LRRC37A2: variants seen among roughly 807,000 people sequenced by gnomAD.
LRRC37A2 encodes the protein leucine-rich repeat-containing protein 37A2.
A neutral mutation model predicts 68.8 loss-of-function variants in LRRC37A2; 9 were observed. The observed-to-expected ratio is 0.13, with a 90% CI of 0.08 to 0.23. The LOEUF (loss-of-function observed/expected upper bound fraction) is 0.23, where lower values mean the gene tolerates loss of function less well. Among genes scored for constraint, LRRC37A2 ranks in the 10% least tolerant of loss-of-function variants. The pLI is 1.00. For missense variants in LRRC37A2, 168 were observed against 950.4 expected, an observed-to-expected ratio of 0.18 and a Z score of 10.82; for synonymous variants, 63 against 367.6, an observed-to-expected ratio of 0.17 and a Z score of 9.48.
the LRRC37A2 span, among the ~76,000 whole-genome samples, chr17:46,911,968 G>A: frequency 2.0e-5 from 3 of 152,170 alleles, no homozygotes; most frequent in Non-Finnish European, 2.9e-5. Context: ...ATTAGTGAGA[G>A]CCCAGAGTGA....
chr17:46,806,484 C>T, the LRRC37A2 span, among the ~76,000 whole-genome samples: 1 of 152,204 alleles, frequency 6.6e-6, no homozygotes, highest in African/African-American at 2.4e-5. Context: ...GCCGGGGTTA[C>T]AGGCGTGAGC....
At chr17:46,863,462 GA>G in the LRRC37A2 span, among the ~76,000 whole-genome samples, 1 of 152,228 alleles carries the variant, frequency 6.6e-6, no homozygotes, top group Admixed American at 6.5e-5. Context: ...TGAAGAGGAA[GA>G]AAGGAGTGTC....
the LRRC37A2 span, among the ~76,000 whole-genome samples, chr17:46,953,947 A>C: frequency 6.6e-6 from 1 of 152,148 alleles, no homozygotes; most frequent in South Asian, 2.1e-4. Context: ...CCTTTGTCAG[A>C]TGAGTAGATT....
At chr17:46,863,115 A>T in the LRRC37A2 span, among the ~76,000 whole-genome samples, 1 of 518 alleles carries the variant, frequency 1.9e-3, no homozygotes. Context: ...TGGGCTAGGG[A>T]GGGCGTGGCA....
the LRRC37A2 span, among the ~76,000 whole-genome samples, chr17:46,969,566 A>G: frequency 0.45 from 68,022 of 152,108 alleles, 15,437 homozygotes; most frequent in Middle Eastern, 0.52. Context: ...TCCCTGCTCC[A>G]GGCTGGGACC....
the LRRC37A2 span, among the ~76,000 whole-genome samples, chr17:46,912,201 G>A: frequency 6.6e-6 from 1 of 152,172 alleles, no homozygotes; most frequent in Non-Finnish European, 1.5e-5. Context: ...AAGAGCAGCG[G>A]GTGCAGAAGG....
chr17:46,723,550 G>A, the LRRC37A2 span, among the ~76,000 whole-genome samples: 1 of 152,126 alleles, frequency 6.6e-6, no homozygotes. Context: ...CTTTTTCTGT[G>A]TTTGGGGAGG....
At chr17:46,908,605 G>C in the LRRC37A2 span, among the ~76,000 whole-genome samples, 1 of 152,174 alleles carries the variant, frequency 6.6e-6, no homozygotes, top group Non-Finnish European at 1.5e-5. Context: ...GTTCAGCTGT[G>C]GACTTCTGCA....
chr17:46,730,850 A>G, the LRRC37A2 span, among the ~76,000 whole-genome samples: 1 of 152,186 alleles, frequency 6.6e-6, no homozygotes, highest in African/African-American at 2.4e-5. Context: ...AGTCAGAACC[A>G]ATAGTGAGAT....
At chr17:46,765,494 G>T in the LRRC37A2 span, among the ~76,000 whole-genome samples, 1 of 152,244 alleles carries the variant, frequency 6.6e-6, no homozygotes, top group South Asian at 2.1e-4. Context: ...TTTGACAGGC[G>T]CTCTCTCCTC....
the LRRC37A2 span, among the ~76,000 whole-genome samples, chr17:46,928,158 A>G: frequency 6.6e-6 from 1 of 152,002 alleles, no homozygotes; most frequent in Non-Finnish European, 1.5e-5. Context: ...AGTGATTTCT[A>G]GTTGCTTCTC....
chr17:46,534,397 C>T (rs1245503121), intron 6 of LRRC37A2, among the ~76,000 whole-genome samples: 1 of 147,054 alleles, frequency 6.8e-6, no homozygotes, highest in Non-Finnish European at 1.5e-5. Context: ...GTGGTGATGA[C>T]TCTTAACGAG....
chr17:46,965,236 C>T, the LRRC37A2 span, among the ~76,000 whole-genome samples: 10 of 152,356 alleles, frequency 6.6e-5, no homozygotes, highest in South Asian at 1.5e-3. Context: ...AATTGCAAAC[C>T]TGTCCCAGTC....
chr17:46,897,453 T>C, the LRRC37A2 span, among the ~76,000 whole-genome samples: 2 of 152,180 alleles, frequency 1.3e-5, no homozygotes, highest in African/African-American at 4.8e-5. Context: ...CCTAGAACCC[T>C]GGAGGAGTCC....
At chr17:46,864,309 C>T in the LRRC37A2 span, among the ~76,000 whole-genome samples, 21 of 152,194 alleles carry the variant, frequency 1.4e-4, no homozygotes, top group African/African-American at 4.1e-4. Flanking sequence ...CTGAACTTCC[C>T]ACCCACTGCC....
chr17:46,914,021 A>G, the LRRC37A2 span, among the ~76,000 whole-genome samples: 1 of 152,124 alleles, frequency 6.6e-6, no homozygotes, highest in Non-Finnish European at 1.5e-5. Flanking sequence ...GGCCTCCCAA[A>G]GTGCTGGGAT....
chr17:46,949,304 A>G, the LRRC37A2 span: 2 of 152,372 alleles, frequency 1.3e-5, no homozygotes, highest in Non-Finnish European at 2.9e-5. Context: ...CGGCTTCTCC[A>G]TGGGACCAGG....
At chr17:47,017,731 T>G in the LRRC37A2 span, 1 of 1,610,910 alleles carries the variant, frequency 6.2e-7, no homozygotes, top group South Asian at 1.1e-5. Flanking sequence ...AAACAGAATT[T>G]GCAGAATGAA....
the LRRC37A2 span, among the ~76,000 whole-genome samples, chr17:46,870,801 G>A: frequency 1.3e-5 from 2 of 152,118 alleles, no homozygotes; most frequent in Non-Finnish European, 2.9e-5. Flanking sequence ...GACCACTCCT[G>A]GCTTGACCAC....
Sources: gnomAD v4.1 joint callset for allele counts (sites outside exome capture counted in the v4.1 genomes callset) on GRCh38, gnomAD v4.1.1 for gene constraint, MANE v1.5 for transcripts, NCBI Gene and HGNC (gene_info 2026-07-23, HGNC 2026-07-21) for gene names.